Variants in LRRC37A2 observed in about 807,000 individuals in gnomAD.
The protein encoded by LRRC37A2 is leucine-rich repeat-containing protein 37A2.
In LRRC37A2, 9 loss-of-function variants were observed where a neutral mutation model predicts 68.8. The observed-to-expected ratio is 0.13, with a 90% CI of 0.08 to 0.23. The LOEUF (loss-of-function observed/expected upper bound fraction) is 0.23, where lower values mean the gene tolerates loss of function less well. Among genes scored for constraint, LRRC37A2 ranks in the 10% least tolerant of loss-of-function variants. LRRC37A2 has a pLI of 1.00. For missense variants in LRRC37A2, 168 were observed against 950.4 expected (o/e 0.18, Z 10.82); for synonymous variants, 63 against 367.6 (o/e 0.17, Z 9.48).
At chr17:46,756,067 A>T in the LRRC37A2 span, 1 of 481,132 alleles carries the variant, frequency 2.1e-6, no homozygotes. Context: ...TGCAGGCTAA[A>T]GTGATTCCTT....
At chr17:46,972,734 A>G in the LRRC37A2 span, among the ~76,000 whole-genome samples, 2 of 152,218 alleles carry the variant, frequency 1.3e-5, no homozygotes, top group East Asian at 3.9e-4. Flanking sequence ...GACGCTGGCT[A>G]CCCAAAAAGA....
chr17:46,938,898 G>T, the LRRC37A2 span: 1 of 1,536,790 alleles, frequency 6.5e-7, no homozygotes, highest in Non-Finnish European at 8.7e-7. Context: ...GAGTGATTGT[G>T]GTCTAATTTC....
the LRRC37A2 span, among the ~76,000 whole-genome samples, chr17:46,918,415 G>A: frequency 3.3e-5 from 5 of 152,146 alleles, no homozygotes; most frequent in African/African-American, 1.2e-4. Flanking sequence ...TATACAGACT[G>A]GGCCCACAAA....
At chr17:46,939,385 C>CT in the LRRC37A2 span, 1 of 998,776 alleles carries the variant, frequency 1.0e-6, no homozygotes, top group Non-Finnish European at 1.2e-6. Context: ...ATTTTCCACA[C>CT]TACAGCTGGG....
At chr17:46,520,849 C>T (rs987001270) in intron 4 of LRRC37A2, among the ~76,000 whole-genome samples, 2 of 62,816 alleles carry the variant, frequency 3.2e-5, no homozygotes, top group African/African-American at 1.0e-4. Flanking sequence ...ATGGAGACCA[C>T]CTGCATTCAT....
the LRRC37A2 span, among the ~76,000 whole-genome samples, chr17:46,873,941 A>G: frequency 6.7e-6 from 1 of 148,620 alleles, no homozygotes; most frequent in Non-Finnish European, 1.5e-5. Context: ...GTGAGCCAAG[A>G]TTGTGTCACT....
At chr17:47,008,393 G>C in the LRRC37A2 span, among the ~76,000 whole-genome samples, 1 of 151,844 alleles carries the variant, frequency 6.6e-6, no homozygotes, top group African/African-American at 2.4e-5. Flanking sequence ...TTACAGGTGT[G>C]AGCCACCACG....
the LRRC37A2 span, among the ~76,000 whole-genome samples, chr17:46,852,177 G>C: frequency 1.3e-5 from 2 of 152,258 alleles, no homozygotes; most frequent in Non-Finnish European, 2.9e-5. Context: ...GCGGAGCGGA[G>C]ACCGAGAGGG....
chr17:46,777,025 G>GAGC, the LRRC37A2 span, among the ~76,000 whole-genome samples: 2 of 152,106 alleles, frequency 1.3e-5, no homozygotes, highest in Admixed American at 1.3e-4. Context: ...AGCCCTAAGG[G>GAGC]AGCACAAAGC....
At chr17:46,979,062 G>T in the LRRC37A2 span, 3 of 1,326,658 alleles carry the variant, frequency 2.3e-6, no homozygotes, top group Non-Finnish European at 2.9e-6. Context: ...TGGGCTGCTC[G>T]CCGGGGTCCG....
chr17:46,467,148 C>T, the LRRC37A2 span, among the ~76,000 whole-genome samples: 1 of 61,082 alleles, frequency 1.6e-5, no homozygotes, highest in Non-Finnish European at 3.4e-5. Flanking sequence ...CTTCTATTTT[C>T]TTATTTTAAT....
chr17:46,812,808 T>C, the LRRC37A2 span, among the ~76,000 whole-genome samples: 5 of 152,178 alleles, frequency 3.3e-5, no homozygotes, highest in Admixed American at 3.3e-4. Flanking sequence ...AGTGAGCCAA[T>C]AGCTTGCAGA....
At chr17:46,979,073 C>T in the LRRC37A2 span, 13 of 1,317,246 alleles carry the variant, frequency 9.9e-6, no homozygotes, top group Non-Finnish European at 1.3e-5. Flanking sequence ...CCGGGGTCCG[C>T]GCTCTCAGGG....
the LRRC37A2 span, among the ~76,000 whole-genome samples, chr17:46,491,463 T>C: frequency 3.2e-3 from 460 of 142,490 alleles, no homozygotes; most frequent in Non-Finnish European, 4.8e-3. Context: ...TCTGCAAACA[T>C]GAATCATGTA....
At chr17:46,802,896 C>A in the LRRC37A2 span, among the ~76,000 whole-genome samples, 1 of 152,124 alleles carries the variant, frequency 6.6e-6, no homozygotes, top group East Asian at 1.9e-4. Context: ...GTTCTGCGAG[C>A]CACTCTAGCA....
At chr17:46,755,777 T>C in the LRRC37A2 span, 2 of 1,606,708 alleles carry the variant, frequency 1.2e-6, no homozygotes, top group Non-Finnish European at 1.7e-6. Context: ...ATCTGTTTTT[T>C]TGTGTTTTGG....
the LRRC37A2 span, among the ~76,000 whole-genome samples, chr17:46,769,507 C>G: frequency 6.6e-6 from 1 of 152,122 alleles, no homozygotes; most frequent in Non-Finnish European, 1.5e-5. Flanking sequence ...CCAAGGTGCA[C>G]AGGATGGGTG....
chr17:46,728,704 C>A, the LRRC37A2 span: 1 of 445,616 alleles, frequency 2.2e-6, no homozygotes, highest in South Asian at 6.0e-5. Flanking sequence ...AGACTGTTTA[C>A]TCTTTAAATT....
At chr17:46,961,921 A>G in the LRRC37A2 span, among the ~76,000 whole-genome samples, 1 of 152,230 alleles carries the variant, frequency 6.6e-6, no homozygotes, top group Non-Finnish European at 1.5e-5. Flanking sequence ...GGGGCTGACC[A>G]ATGATTCCAA....
Sources: gnomAD v4.1 joint callset for allele counts (sites outside exome capture counted in the v4.1 genomes callset) on GRCh38, gnomAD v4.1.1 for gene constraint, MANE v1.5 for transcripts, NCBI Gene and HGNC (gene_info 2026-07-23, HGNC 2026-07-21) for gene names.